HSD11B1: variants seen among roughly 807,000 people sequenced by gnomAD.
The protein encoded by HSD11B1 is 11-beta-hydroxysteroid dehydrogenase 1.
A neutral mutation model predicts 22.1 loss-of-function variants in HSD11B1; 15 were observed. That is an observed-to-expected ratio of 0.68 (90% CI 0.45 to 1.04). The LOEUF is 1.04. Among genes scored for constraint, HSD11B1 ranks in the 50% least tolerant of loss-of-function variants. The pLI is 0.00. For synonymous variants in HSD11B1, 122 were observed against 125.2 expected (o/e 0.97, Z 0.17); for missense variants, 281 against 357.6 (o/e 0.79, Z 1.73).
intron 4 of HSD11B1, among the ~76,000 whole-genome samples, chr1:209,726,466 C>T (rs1215836522): frequency 2.0e-5 from 3 of 151,956 alleles, no homozygotes; most frequent in African/African-American, 7.3e-5. Flanking sequence ...ATTAGCCAAG[C>T]ACAGTGGCAT....
intron 4 of HSD11B1, among the ~76,000 whole-genome samples, chr1:209,719,269 C>T (rs1044896757): frequency 1.3e-5 from 2 of 152,082 alleles, no homozygotes; most frequent in Admixed American, 1.3e-4. Flanking sequence ...ACCTTGAGGA[C>T]ATCATGCAAA....
chr1:209,732,657 G>T (rs1166621708), intron 5 of HSD11B1, 78 bp downstream of exon 5: 7 of 1,232,008 alleles, frequency 5.7e-6, no homozygotes, highest in South Asian at 2.4e-5. Flanking sequence ...ATGCAGGTTT[G>T]TTACATATGT....
At chr1:209,731,778 G>A (rs2077037277) in intron 4 of HSD11B1, among the ~76,000 whole-genome samples, 1 of 152,064 alleles carries the variant, frequency 6.6e-6, no homozygotes. Context: ...GCGGTGGCGC[G>A]ATCTCAGCTC....
chr1:209,731,215 C>T (rs770748713), intron 4 of HSD11B1, among the ~76,000 whole-genome samples: 5 of 152,134 alleles, frequency 3.3e-5, no homozygotes, highest in Non-Finnish European at 5.9e-5. Context: ...AATGCAGAAA[C>T]CAAGCAGCCA....
intron 4 of HSD11B1, among the ~76,000 whole-genome samples, chr1:209,720,504 C>T (rs1436140603): frequency 2.0e-5 from 3 of 151,410 alleles, no homozygotes; most frequent in African/African-American, 7.3e-5. Flanking sequence ...ACATGACATT[C>T]TCTTGCTTGC....
rs2076863547 is a variant in HSD11B1, at chr1:209,706,933, T to C, written c.332-10T>C. On this transcript the variant is annotated splice_polypyrimidine_tract_variant and intron_variant, in intron 3 of 5. Coordinates refer to ENST00000367027, the MANE Select transcript of HSD11B1 (RefSeq NM_005525.4). The surrounding 1 kb of genome is among the most constrained non-coding windows in gnomAD (Gnocchi z 4.0). ...CCCAGATGATTTCTTAATATAGCCA[T>C]CTCTTGCAGGAGGACTAGACATGCT... 1 of 1,613,632 alleles carries C rather than the reference T, an allele frequency of 6.2e-7. No individual in the cohort carries two copies. Among genetic ancestry groups the C allele is most frequent in the Non-Finnish European group, 8.5e-7 (1 of 1,179,540 alleles).
At chr1:209,697,876 GT>G (rs1443942039) in intron 1 of HSD11B1, among the ~76,000 whole-genome samples, 2 of 38,160 alleles carry the variant, frequency 5.2e-5, no homozygotes, top group Admixed American at 2.9e-4. Context: ...TAATGGTTTT[GT>G]TTTTTCCTTT....
upstream of HSD11B1, among the ~76,000 whole-genome samples, chr1:209,700,331 C>G (rs1030331546): frequency 3.9e-5 from 6 of 152,220 alleles, no homozygotes; most frequent in African/African-American, 1.4e-4. Flanking sequence ...TTCTGTGCAC[C>G]ATGTGGAAGG....
At chr1:209,694,979 A>T (rs1461797409) in intron 1 of HSD11B1, among the ~76,000 whole-genome samples, 1 of 152,170 alleles carries the variant, frequency 6.6e-6, no homozygotes, top group Non-Finnish European at 1.5e-5. Flanking sequence ...CCAGGTGTTG[A>T]GGAGGGAAGG....
At chr1:209,721,055 T>C (rs928175862) in intron 4 of HSD11B1, among the ~76,000 whole-genome samples, 5 of 152,098 alleles carry the variant, frequency 3.3e-5, no homozygotes, top group African/African-American at 1.2e-4. Context: ...GAGATTGTGA[T>C]GTAGCCACAA....
Position 209,732,518 on chromosome 1 carries a change from A to T in HSD11B1, c.600A>T (p.Glu200Asp). The part of the protein sequence containing the change: ...LDGFFSSIRK[E>D]YSVSRVNVSI... Reference sequence around the variant, plus strand: ...GGTTCTTCTCCTCCATCAGAAAGGAATATTCAGTGTCCAGGGTCAATGTAT... The same window carrying T: ...GGTTCTTCTCCTCCATCAGAAAGGATTATTCAGTGTCCAGGGTCAATGTAT... Residue 200 changes from glutamate (E) to aspartate (D), a missense_variant, in exon 5 of 6, where the codon GAA becomes GAT. By Grantham distance (45) the Glu-to-Asp change is conservative. Coordinates refer to ENST00000367027, the MANE Select transcript of HSD11B1 (RefSeq NM_005525.4). 6.2e-7 allele frequency: 1 copy of T among 1,613,974 alleles called. No homozygotes were observed.
intron 4 of HSD11B1, among the ~76,000 whole-genome samples, chr1:209,724,596 T>C (rs1426526722): frequency 6.6e-6 from 1 of 152,220 alleles, no homozygotes; most frequent in Non-Finnish European, 1.5e-5. Context: ...TGTTGTTTAC[T>C]CCACTTTGAC....
At chr1:209,688,430 C>T (rs968152252) in intron 1 of HSD11B1, among the ~76,000 whole-genome samples, 1 of 152,194 alleles carries the variant, frequency 6.6e-6, no homozygotes, top group Non-Finnish European at 1.5e-5. Flanking sequence ...TGCCAACTTT[C>T]CTTGTGCTTG....
At chr1:209,724,916 G>C (rs1248481261) in intron 4 of HSD11B1, among the ~76,000 whole-genome samples, 1 of 151,916 alleles carries the variant, frequency 6.6e-6, no homozygotes, top group African/African-American at 2.4e-5. Flanking sequence ...GGCCTAGACT[G>C]GTTCACAATC....
At chr1:209,720,549 A>C (rs2076958755) in intron 4 of HSD11B1, among the ~76,000 whole-genome samples, 2 of 150,378 alleles carry the variant, frequency 1.3e-5, no homozygotes, top group Admixed American at 1.3e-4. Context: ...AGCTCTCACA[A>C]TCTAGTATGA....
intron 1 of HSD11B1, among the ~76,000 whole-genome samples, chr1:209,699,325 G>T (rs1158649781): frequency 6.6e-6 from 1 of 152,110 alleles, no homozygotes; most frequent in African/African-American, 2.4e-5. Context: ...GAACAAAAGA[G>T]GTTTAGCTGG....
At chr1:209,712,759 T>C (rs570258580) in intron 4 of HSD11B1, among the ~76,000 whole-genome samples, 3 of 152,222 alleles carry the variant, frequency 2.0e-5, no homozygotes, top group Non-Finnish European at 4.4e-5. Flanking sequence ...GCCTTAAGAA[T>C]GTTTCCTTTG....
intron 4 of HSD11B1, among the ~76,000 whole-genome samples, chr1:209,719,019 C>CAA (rs56342028): frequency 0.018 from 655 of 35,696 alleles, 51 homozygotes; most frequent in South Asian, 0.079. Context: ...GACTCCATCT[C>CAA]AAAAAAAAAA....
intron 4 of HSD11B1, among the ~76,000 whole-genome samples, chr1:209,731,179 AGTT>A (rs1474697872): frequency 1.3e-5 from 2 of 152,258 alleles, no homozygotes; most frequent in East Asian, 3.8e-4. Context: ...CCAAATCTCT[AGTT>A]GTTCTCTGAA....
Sources: gnomAD v4.1 joint callset for allele counts (sites outside exome capture counted in the v4.1 genomes callset) on GRCh38, gnomAD v4.1.1 for gene constraint, Gnocchi (gnomAD v3.1) non-coding constraint, MANE v1.5 for transcripts, NCBI Gene and HGNC (gene_info 2026-07-23, HGNC 2026-07-21) for gene names.